The following ERC2 variants were observed in gnomAD, a reference collection of about 807,000 sequenced individuals.
ERC2 encodes the protein ELKS/RAB6-interacting/CAST family member 2.
ERC2 carries 42 observed loss-of-function variants against 114.8 expected under a neutral mutation model. The observed-to-expected ratio is 0.37, with a 90% CI of 0.29 to 0.47. The LOEUF is 0.47. Ranked by LOEUF, ERC2 falls within the 20% of genes least tolerant of loss-of-function variation. The pLI is 0.99. For synonymous variants in ERC2, 454 were observed against 425.5 expected, an observed-to-expected ratio of 1.07 and a Z score of -0.82; for missense variants, 939 against 1,150.7, an observed-to-expected ratio of 0.82 and a Z score of 2.66.
intron 6 of ERC2, among the ~76,000 whole-genome samples, chr3:56,138,834 A>G (rs1271639971): frequency 6.6e-6 from 1 of 152,218 alleles, no homozygotes; most frequent in Non-Finnish European, 1.5e-5. Context: ...CAAAGATGTA[A>G]TCCAAGGAGG....
chr3:55,857,004 A>G (rs2061815622), intron 14 of ERC2, among the ~76,000 whole-genome samples: 1 of 151,978 alleles, frequency 6.6e-6, no homozygotes, highest in South Asian at 2.1e-4. Flanking sequence ...GTTGCCAGAG[A>G]CTAAGGAAAA....
intron 17 of ERC2, chr3:55,606,776 G>A (rs1472168041): frequency 1.3e-5 from 2 of 152,326 alleles, no homozygotes; most frequent in Non-Finnish European, 2.9e-5. Context: ...AGTAAACATT[G>A]GACCTGCTCT....
chr3:55,904,656 T>A (rs77503753), intron 13 of ERC2, among the ~76,000 whole-genome samples: 6,106 of 152,242 alleles, frequency 0.04, 260 homozygotes, highest in African/African-American at 0.11. Context: ...CTCATCTGGA[T>A]GAGTCTAATA....
chr3:56,307,488 G>A (rs2056296417), intron 2 of ERC2, among the ~76,000 whole-genome samples: 1 of 152,166 alleles, frequency 6.6e-6, no homozygotes, highest in Non-Finnish European at 1.5e-5. Flanking sequence ...GGGGATAACA[G>A]TGTAGACCTC....
intron 15 of ERC2, among the ~76,000 whole-genome samples, chr3:55,728,349 T>C (rs118142142): frequency 1.3e-5 from 2 of 152,260 alleles, no homozygotes; most frequent in East Asian, 1.9e-4. Flanking sequence ...AAATGGATAA[T>C]ACATGTGCTC....
At chr3:55,745,262 T>C (rs764803311) in intron 14 of ERC2, among the ~76,000 whole-genome samples, 7 of 152,128 alleles carry the variant, frequency 4.6e-5, no homozygotes, top group Non-Finnish European at 1.0e-4. Flanking sequence ...TCCATCCAAA[T>C]TGATAGGAAA....
intron 14 of ERC2, among the ~76,000 whole-genome samples, chr3:55,801,511 G>A (rs1231696797): frequency 6.6e-6 from 1 of 152,152 alleles, no homozygotes; most frequent in Non-Finnish European, 1.5e-5. Context: ...TGAGTTAAGA[G>A]AAATATTAAT....
At chr3:56,115,676 C>A (rs1175991671) in intron 6 of ERC2, among the ~76,000 whole-genome samples, 2 of 152,114 alleles carry the variant, frequency 1.3e-5, no homozygotes, top group Non-Finnish European at 2.9e-5. Flanking sequence ...ATGAATCATG[C>A]CTTTTTTTCA....
intron 17 of ERC2, among the ~76,000 whole-genome samples, chr3:55,527,993 T>C (rs1156403812): frequency 1.3e-5 from 2 of 151,980 alleles, no homozygotes; most frequent in Non-Finnish European, 2.9e-5. Flanking sequence ...ACCTGTCCAA[T>C]AAAGATAGTA....
Position 55,776,547 on chromosome 3 carries a change from G to A in ERC2, c.2565-41629C>T, listed in dbSNP as rs571413222. ...TCGAGACCAGAGGAGCTTAGGAAAA[G>A]GATAAAGACTTACACAAAGAAATAG... On this transcript the variant is annotated intron_variant, in intron 14 of 17. Transcript: ENST00000288221. 3.3e-5 allele frequency among the ~76,000 whole-genome samples: 5 copies of A among 152,228 alleles called. No homozygotes were observed. In the East Asian group the frequency reaches 7.7e-4, roughly 24 times the overall value.
At chr3:56,350,542 G>A (rs888797541) in intron 2 of ERC2, among the ~76,000 whole-genome samples, 36 of 151,644 alleles carry the variant, frequency 2.4e-4, no homozygotes, top group Non-Finnish European at 4.7e-4. Context: ...AAGGCACTTG[G>A]AAAAGAAGAG....
chr3:56,373,083 G>A (rs2059414412), intron 2 of ERC2, among the ~76,000 whole-genome samples: 1 of 152,208 alleles, frequency 6.6e-6, no homozygotes, highest in African/African-American at 2.4e-5. Flanking sequence ...TCAATTTACT[G>A]TGGCTTTTGA....
chr3:55,803,867 C>G (rs181247296), intron 14 of ERC2, among the ~76,000 whole-genome samples: 161 of 152,232 alleles, frequency 1.1e-3, no homozygotes, highest in Middle Eastern at 0.01. Flanking sequence ...CTAGGGAGAG[C>G]AAAACCTGAC....
At chr3:55,589,143 C>G (rs1795649) in intron 17 of ERC2, among the ~76,000 whole-genome samples, 1 of 148,882 alleles carries the variant, frequency 6.7e-6, no homozygotes. Flanking sequence ...CTTTGGGAGG[C>G]CAAGGCAGGA....
intron 17 of ERC2, chr3:55,606,657 C>G (rs1171987576): frequency 1.3e-5 from 2 of 152,236 alleles, no homozygotes; most frequent in African/African-American, 4.8e-5. Context: ...CTCCTACACT[C>G]TAGCAAAATG....
intron 2 of ERC2, among the ~76,000 whole-genome samples, chr3:56,344,129 A>G (rs1490326681): frequency 1.3e-5 from 2 of 152,230 alleles, no homozygotes; most frequent in Non-Finnish European, 2.9e-5. Flanking sequence ...TTACATTTGT[A>G]AAATAAATAG....
chr3:56,365,607 C>A, intron 2 of ERC2, among the ~76,000 whole-genome samples: 1 of 152,366 alleles, frequency 6.6e-6, no homozygotes, highest in South Asian at 2.1e-4. Context: ...GTATGGTCCA[C>A]AAGCTAAGAA....
chr3:55,952,733 CA>C (rs1559924056), intron 12 of ERC2, among the ~76,000 whole-genome samples: 4 of 152,114 alleles, frequency 2.6e-5, no homozygotes, highest in African/African-American at 9.7e-5. Flanking sequence ...GTGACAAATA[CA>C]GATTATTATT....
intron 3 of ERC2, among the ~76,000 whole-genome samples, chr3:56,274,860 T>A (rs2053893792): frequency 6.6e-6 from 1 of 152,198 alleles, no homozygotes; most frequent in African/African-American, 2.4e-5. Context: ...TCTGGAGCAA[T>A]CTGTTTATTC....
Sources: gnomAD v4.1 joint callset for allele counts (sites outside exome capture counted in the v4.1 genomes callset) on GRCh38, gnomAD v4.1.1 for gene constraint, MANE v1.5 for transcripts, NCBI Gene and HGNC (gene_info 2026-07-23, HGNC 2026-07-21) for gene names.